The following ETV6 variants were observed in gnomAD, a reference collection of about 807,000 sequenced individuals.
The protein encoded by ETV6 is ETS variant transcription factor 6.
Under a neutral mutation model 51.1 loss-of-function variants are expected in ETV6, and 16 were observed. The observed-to-expected ratio is 0.31, with a 90% CI of 0.21 to 0.48. ETV6 has a LOEUF of 0.48. Among genes scored for constraint, ETV6 ranks in the 20% least tolerant of loss-of-function variants. The pLI is 0.99. For synonymous variants in ETV6, 240 were observed against 224.1 expected (o/e 1.07, Z -0.64); for missense variants, 458 against 594.8 (o/e 0.77, Z 2.39).
intron 2 of ETV6, among the ~76,000 whole-genome samples, chr12:11,798,145 G>A (rs1028199857): frequency 2.6e-5 from 4 of 152,202 alleles, no homozygotes; most frequent in Admixed American, 2.0e-4. Context: ...CTTGTAATTC[G>A]TTGGGGAAGA....
intron 1 of ETV6, among the ~76,000 whole-genome samples, chr12:11,701,164 C>A (rs1222657424): frequency 2.0e-5 from 3 of 151,754 alleles, no homozygotes; most frequent in African/African-American, 7.3e-5. Context: ...CCCTTTTAAC[C>A]ATTTTAAGTA....
At chr12:11,733,378 A>C (rs1865638058) in intron 1 of ETV6, among the ~76,000 whole-genome samples, 1 of 135,196 alleles carries the variant, frequency 7.4e-6, no homozygotes, top group South Asian at 2.5e-4. Flanking sequence ...ACTGCAGTGC[A>C]GCCTGGGAGA....
intron 2 of ETV6, among the ~76,000 whole-genome samples, chr12:11,760,152 C>T (rs1945064190): frequency 6.6e-6 from 1 of 152,194 alleles, no homozygotes; most frequent in African/African-American, 2.4e-5. Context: ...CTGGCTCTGG[C>T]CACATGCTGA....
intron 1 of ETV6, among the ~76,000 whole-genome samples, chr12:11,696,910 C>G (rs1258303142): frequency 6.6e-6 from 1 of 152,200 alleles, no homozygotes; most frequent in Non-Finnish European, 1.5e-5. Context: ...AGGGCAGAGA[C>G]TATTTCTTAC....
intron 4 of ETV6, among the ~76,000 whole-genome samples, chr12:11,864,893 T>G (rs1433384897): frequency 1.3e-5 from 2 of 152,198 alleles, no homozygotes; most frequent in Non-Finnish European, 2.9e-5. Context: ...GTGGTCTACC[T>G]CCTCTCTCCT....
chr12:11,866,008 T>C (rs1419289920), intron 4 of ETV6, among the ~76,000 whole-genome samples: 1 of 152,168 alleles, frequency 6.6e-6, no homozygotes, highest in Non-Finnish European at 1.5e-5. Flanking sequence ...ACCAATTACA[T>C]GTGTGTTAGA....
intron 4 of ETV6, among the ~76,000 whole-genome samples, chr12:11,866,793 A>C (rs939321868): frequency 1.3e-5 from 2 of 152,214 alleles, no homozygotes; most frequent in Non-Finnish European, 2.9e-5. Context: ...CTGAACTCCA[A>C]AGGGTCTCCC....
At chr12:11,661,339 G>A (rs78080562) in intron 1 of ETV6, among the ~76,000 whole-genome samples, 1 of 152,272 alleles carries the variant, frequency 6.6e-6, no homozygotes, top group East Asian at 1.9e-4. Context: ...TTAAAGATCC[G>A]TGTCATGAGT....
intron 2 of ETV6, among the ~76,000 whole-genome samples, chr12:11,753,485 A>G (rs1866078868): frequency 6.6e-6 from 1 of 152,172 alleles, no homozygotes; most frequent in Non-Finnish European, 1.5e-5. Context: ...GCACAAGACT[A>G]GCTTATAGAG....
intron 2 of ETV6, among the ~76,000 whole-genome samples, chr12:11,830,077 G>A (rs1319662889): frequency 1.3e-5 from 2 of 152,136 alleles, no homozygotes; most frequent in Non-Finnish European, 2.9e-5. Flanking sequence ...GTGCCTCTGG[G>A]AAGCAGCTTG....
intron 2 of ETV6, 107 bp from the exon 3 acceptor site, chr12:11,839,033 G>A (rs1227609038): frequency 8.4e-7 from 1 of 1,193,818 alleles, no homozygotes; most frequent in African/African-American, 1.5e-5. Context: ...CTCTTGAGAT[G>A]TGGAGACTCA....
At chr12:11,665,817 A>C (rs1005878907) in intron 1 of ETV6, among the ~76,000 whole-genome samples, 1 of 152,252 alleles carries the variant, frequency 6.6e-6, no homozygotes, top group South Asian at 2.1e-4. Flanking sequence ...CCTGTGAGGC[A>C]TAAGTACTGA....
chr12:11,760,460 G>A (rs1046945719), intron 2 of ETV6, among the ~76,000 whole-genome samples: 1 of 152,168 alleles, frequency 6.6e-6, no homozygotes, highest in South Asian at 2.1e-4. Flanking sequence ...GGTCAGCTGA[G>A]GCTAAATTCT....
intron 1 of ETV6, among the ~76,000 whole-genome samples, chr12:11,679,500 G>C (rs1481580036): frequency 1.3e-5 from 2 of 152,198 alleles, no homozygotes; most frequent in Admixed American, 6.5e-5. Flanking sequence ...CCGTTCCATA[G>C]GTTCTGCACA....
At chr12:11,725,159 C>T (rs1865465283) in intron 1 of ETV6, among the ~76,000 whole-genome samples, 1 of 126,164 alleles carries the variant, frequency 7.9e-6, no homozygotes, top group African/African-American at 3.3e-5. Flanking sequence ...TTCTTTTTAG[C>T]TGTTTTTTTT....
chr12:11,762,932 A>G (rs1467851151), intron 2 of ETV6, among the ~76,000 whole-genome samples: 1 of 152,166 alleles, frequency 6.6e-6, no homozygotes, highest in Non-Finnish European at 1.5e-5. Context: ...AAATATGAGT[A>G]AGTGATTTGG....
intron 1 of ETV6, among the ~76,000 whole-genome samples, chr12:11,652,966 C>T (rs556620986): frequency 6.6e-6 from 1 of 152,188 alleles, no homozygotes; most frequent in East Asian, 1.9e-4. Context: ...GTTGACTACT[C>T]CAAGGGCACT....
chr12:11,890,591 ATTTTTTTTTT>A (rs11414088), intron 7 of ETV6, among the ~76,000 whole-genome samples: 1 of 146,902 alleles, frequency 6.8e-6, no homozygotes, highest in Non-Finnish European at 1.5e-5. Flanking sequence ...CCGTACCCAG[ATTTTTTTTTT>A]TTTGGTAGAG....
chr12:11,808,980 A>G (rs566756213), intron 2 of ETV6, among the ~76,000 whole-genome samples: 86 of 152,262 alleles, frequency 5.6e-4, no homozygotes, highest in African/African-American at 1.9e-3. Flanking sequence ...CCTGGCCAAC[A>G]CGGCAAAACC....
Sources: gnomAD v4.1 joint callset for allele counts (sites outside exome capture counted in the v4.1 genomes callset) on GRCh38, gnomAD v4.1.1 for gene constraint, MANE v1.5 for transcripts, NCBI Gene and HGNC (gene_info 2026-07-23, HGNC 2026-07-21) for gene names.